RBFOX1: variants seen among roughly 807,000 people sequenced by gnomAD.
The protein encoded by RBFOX1 is RNA binding protein fox-1 homolog 1.
RBFOX1 carries 8 observed loss-of-function variants against 57.7 expected under a neutral mutation model. That is an observed-to-expected ratio of 0.14 (90% CI 0.08 to 0.25). The LOEUF is 0.25. RBFOX1 is among the 10% of genes least tolerant of loss of function. The pLI, the probability that RBFOX1 is intolerant of heterozygous loss-of-function variation, is 1.00. For synonymous variants in RBFOX1, 326 were observed against 222.4 expected (o/e 1.47, Z -4.15); for missense variants, 611 against 548.5 (o/e 1.11, Z -1.14).
intron 4 of RBFOX1, among the ~76,000 whole-genome samples, chr16:5,908,070 G>GTGTGTGTGTATGTATATATATATATA (rs531475482): frequency 7.7e-6 from 1 of 129,058 alleles, no homozygotes; most frequent in African/African-American, 3.0e-5. Flanking sequence ...ATGTGTGTAT[G>GTGTGTGTGTATGTATATATATATATA]TATATATATA....
intron 4 of RBFOX1, among the ~76,000 whole-genome samples, chr16:5,898,062 C>T (rs1301034409): frequency 6.6e-6 from 1 of 152,004 alleles, no homozygotes. Flanking sequence ...CTGGGTAGGC[C>T]TCAGGAATCT....
intron 3 of RBFOX1, among the ~76,000 whole-genome samples, chr16:7,001,385 T>TGTGTAC (rs1568311467): frequency 7.3e-6 from 1 of 136,216 alleles, no homozygotes; most frequent in Non-Finnish European, 1.5e-5. Context: ...TGTATGTGTA[T>TGTGTAC]GTGTATGTGT....
Position 7,101,642 on chromosome 16 carries a change from G to A in RBFOX1, c.27+49544G>A, listed in dbSNP as rs554802963. ...AAGGTTACTAGCAGGTTATTCAAAGGTACTTTTTTTGAAGGCAAGATTTTA... is the reference window on the plus strand; with the variant it reads ...AAGGTTACTAGCAGGTTATTCAAAGATACTTTTTTTGAAGGCAAGATTTTA... On this transcript the variant is annotated intron_variant, in intron 4 of 15. Coordinates refer to ENST00000550418, the MANE Select transcript of RBFOX1 (RefSeq NM_018723.4). Among the ~76,000 whole-genome samples the A allele has an allele frequency of 9.9e-5, 15 of 152,222 alleles. No individual in the cohort carries two copies. In the South Asian group the frequency reaches 2.7e-3, roughly 27 times the overall value.
chr16:6,740,142 T>C (rs531485044), intron 3 of RBFOX1, among the ~76,000 whole-genome samples: 13 of 152,322 alleles, frequency 8.5e-5, no homozygotes, highest in African/African-American at 2.6e-4. Context: ...TTATTCACTA[T>C]ACCGATAGGT....
chr16:6,255,344 C>G (rs1191171622), intron 1 of RBFOX1, among the ~76,000 whole-genome samples: 1 of 152,072 alleles, frequency 6.6e-6, no homozygotes, highest in Non-Finnish European at 1.5e-5. Flanking sequence ...CTCCATGGTC[C>G]TGATAGGACA....
At chr16:6,302,159 C>G (rs909811795) in intron 1 of RBFOX1, among the ~76,000 whole-genome samples, 51 of 152,040 alleles carry the variant, frequency 3.4e-4, no homozygotes, top group African/African-American at 1.1e-3. Context: ...AAGTATTGCC[C>G]AAAACACATT....
At chr16:7,630,926 G>A (rs1418523235) in intron 11 of RBFOX1, among the ~76,000 whole-genome samples, 1 of 152,198 alleles carries the variant, frequency 6.6e-6, no homozygotes, top group Non-Finnish European at 1.5e-5. Flanking sequence ...GGGGTTGGTG[G>A]GGAGGGGCAT....
chr16:6,857,156 G>A (rs1438027214), intron 3 of RBFOX1, among the ~76,000 whole-genome samples: 1 of 152,134 alleles, frequency 6.6e-6, no homozygotes, highest in Non-Finnish European at 1.5e-5. Flanking sequence ...CAAGAATTTT[G>A]TGATTTTAAA....
intron 4 of RBFOX1, among the ~76,000 whole-genome samples, chr16:5,977,544 C>G (rs990848046): frequency 6.6e-6 from 1 of 152,172 alleles, no homozygotes; most frequent in Non-Finnish European, 1.5e-5. Context: ...TCCATGGAAA[C>G]CAGGTGACTG....
chr16:5,384,676 A>T (rs531590353), intron 1 of RBFOX1, among the ~76,000 whole-genome samples: 1 of 152,294 alleles, frequency 6.6e-6, no homozygotes, highest in Admixed American at 6.5e-5. Flanking sequence ...TTCGGAGAAG[A>T]GCAAATGGGT....
At chr16:5,286,914 C>G (rs1443583412) in intron 1 of RBFOX1, among the ~76,000 whole-genome samples, 1 of 152,204 alleles carries the variant, frequency 6.6e-6, no homozygotes, top group African/African-American at 2.4e-5. Context: ...TTTGCCAACC[C>G]TGTTCAGACC....
chr16:5,835,793 T>G (rs1246303832), intron 3 of RBFOX1, among the ~76,000 whole-genome samples: 1 of 152,230 alleles, frequency 6.6e-6, no homozygotes, highest in African/African-American at 2.4e-5. Flanking sequence ...ATTCATCTTC[T>G]TCTTTAGTCT....
At chr16:7,348,909 T>A (rs533583214) in intron 4 of RBFOX1, among the ~76,000 whole-genome samples, 3 of 152,112 alleles carry the variant, frequency 2.0e-5, no homozygotes, top group South Asian at 2.1e-4. Context: ...GCCACTGCAC[T>A]CCAGCCTGGG....
chr16:7,119,779 C>G (rs967319128), intron 4 of RBFOX1, among the ~76,000 whole-genome samples: 2 of 151,956 alleles, frequency 1.3e-5, no homozygotes, highest in Admixed American at 1.3e-4. Context: ...GTCTGTCTCA[C>G]TATTTGATAA....
chr16:6,003,281 C>CAA (rs59758084), intron 4 of RBFOX1, among the ~76,000 whole-genome samples: 1,646 of 77,500 alleles, frequency 0.021, 45 homozygotes, highest in African/African-American at 0.072. Flanking sequence ...ACTCTGTCTC[C>CAA]AAAAAAAAAA....
At chr16:5,463,410 A>C (rs1320361335) in intron 1 of RBFOX1, among the ~76,000 whole-genome samples, 2 of 152,178 alleles carry the variant, frequency 1.3e-5, no homozygotes, top group Non-Finnish European at 2.9e-5. Context: ...GCTTAGCAAT[A>C]CTAGATTTTG....
At chr16:5,460,473 C>T (rs1168350459) in intron 1 of RBFOX1, among the ~76,000 whole-genome samples, 1 of 152,158 alleles carries the variant, frequency 6.6e-6, no homozygotes, top group Non-Finnish European at 1.5e-5. Context: ...GGGCACATCA[C>T]ATAGATAAGT....
At chr16:6,008,397 G>A (rs780043261) in intron 4 of RBFOX1, among the ~76,000 whole-genome samples, 11 of 152,054 alleles carry the variant, frequency 7.2e-5, no homozygotes, top group Non-Finnish European at 1.2e-4. Flanking sequence ...ACATGGGCAC[G>A]GCATGAAGAA....
intron 14 of RBFOX1, among the ~76,000 whole-genome samples, chr16:7,708,822 G>GTGTGTATA (rs113478075): frequency 0.98 from 149,143 of 151,930 alleles, 73,270 homozygotes; most frequent in Middle Eastern, 1. Flanking sequence ...ATGTAAGTAC[G>GTGTGTATA]TGTGTATATA....
Sources: allele counts gnomAD v4.1 joint callset (sites outside exome capture counted in the v4.1 genomes callset), GRCh38; gene constraint gnomAD v4.1.1; transcripts MANE v1.5; gene names NCBI Gene and HGNC (gene_info 2026-07-23, HGNC 2026-07-21).